Variants in NECAB2 observed in about 807,000 individuals in gnomAD.
The protein encoded by NECAB2 is N-terminal EF-hand calcium-binding protein 2.
A neutral mutation model predicts 51.9 loss-of-function variants in NECAB2; 68 were observed. The ratio of observed to expected loss-of-function variants is 1.31; its 90% CI spans 1.08 to 1.60. NECAB2 has a LOEUF of 1.60. Ranked by LOEUF, NECAB2 falls within the 40% of genes most tolerant of loss-of-function variation. The pLI is 0.00. For synonymous variants in NECAB2, 329 were observed against 203.5 expected, an observed-to-expected ratio of 1.62 and a Z score of -5.25; for missense variants, 854 against 490.3, an observed-to-expected ratio of 1.74 and a Z score of -7.00.
intron 6 of NECAB2, among the ~76,000 whole-genome samples, chr16:83,992,895 C>G (rs1011055212): frequency 3.9e-5 from 6 of 152,158 alleles, no homozygotes; most frequent in African/African-American, 1.4e-4. Flanking sequence ...CTGTTACTAT[C>G]TTGATGAAAA....
chr16:83,968,875 C>A (rs1381544869), intron 1 of NECAB2, 26 bp downstream of exon 1: 2 of 1,106,738 alleles, frequency 1.8e-6, no homozygotes, highest in Admixed American at 5.1e-5. Flanking sequence ...CCGGGACCCC[C>A]GCCGTGGCCT....
At position 83,981,089 on chromosome 16, in the gene NECAB2, A is replaced by C. The variant is rs2084482715; in HGVS notation, c.421A>C (p.Asn141His). ...TGTCCTGGCCTCCCTGGAGACCTTGAATCACTCTGTCCTGAAGGCCATGGG... is the reference window on the plus strand; with the variant it reads ...TGTCCTGGCCTCCCTGGAGACCTTGCATCACTCTGTCCTGAAGGCCATGGG... ...EDVLASLETLNHSVLKAMGYT... is the reference protein window; with the variant it reads ...EDVLASLETLHHSVLKAMGYT... Residue 141 changes from asparagine (N) to histidine (H), a missense_variant, in exon 5 of 13, where the codon AAT (asparagine) becomes CAT (histidine). Asn to His is a moderately conservative substitution (Grantham distance 68). Coordinates refer to ENST00000305202, the MANE Select transcript of NECAB2 (RefSeq NM_019065.3). 6.2e-7 allele frequency: 1 copy of C among 1,614,026 alleles called. No homozygotes were observed. Among genetic ancestry groups the C allele is most frequent in the Non-Finnish European group, 8.5e-7 (1 of 1,180,026 alleles).
At chr16:83,971,288 A>G (rs2084344289) in intron 1 of NECAB2, among the ~76,000 whole-genome samples, 1 of 152,178 alleles carries the variant, frequency 6.6e-6, no homozygotes, top group Non-Finnish European at 1.5e-5. Flanking sequence ...GGCTTTAAAA[A>G]TGCTGAAATC....
intron 2 of NECAB2, among the ~76,000 whole-genome samples, chr16:83,972,564 A>C (rs538744939): frequency 2.0e-5 from 3 of 152,320 alleles, no homozygotes; most frequent in African/African-American, 7.2e-5. Flanking sequence ...TAGGCCCTTC[A>C]CAAGCCTTGG....
chr16:84,001,055 C>T (rs556025980), intron 11 of NECAB2, among the ~76,000 whole-genome samples: 3 of 152,116 alleles, frequency 2.0e-5, no homozygotes, highest in Admixed American at 6.5e-5. Context: ...GCCCCTAGAG[C>T]ACCTTGTCCT....
At chr16:83,998,372 G>C (rs899655911) in intron 10 of NECAB2, 55 bp downstream of exon 10, 4 of 1,540,968 alleles carry the variant, frequency 2.6e-6, no homozygotes, top group African/African-American at 1.4e-5. Context: ...CTGCCTGGCA[G>C]TGGAGGAACA....
rs191592686 is a variant in NECAB2 at position 83,994,523 on chromosome 16, C to G, written c.716-86C>G. The G allele has an allele frequency of 1.7e-5, 27 of 1,598,114 alleles. No homozygotes were observed. The Admixed American group carries it at 4.5e-4, about 27-fold the overall frequency. Reference sequence around the variant, plus strand: ...GGGGAGATGAGCAAGTTTGATGCCCCTGGAGGGGCTGGATGTTTCCAGCTT... The same window carrying G: ...GGGGAGATGAGCAAGTTTGATGCCCGTGGAGGGGCTGGATGTTTCCAGCTT... On this transcript the variant is annotated intron_variant, in intron 7 of 12. Transcript: ENST00000305202.
chr16:83,997,662 G>T (rs185128781), intron 9 of NECAB2, among the ~76,000 whole-genome samples: 1,994 of 151,150 alleles, frequency 0.013, 16 homozygotes, highest in African/African-American at 0.022. Context: ...TAATTTTTTT[G>T]GTATTTTTAG....
At chr16:83,965,747 G>A, upstream of NECAB2, 1 of 1,613,524 alleles carries the variant, frequency 6.2e-7, no homozygotes, top group Non-Finnish European at 8.5e-7. Flanking sequence ...GGTCTCCCTG[G>A]TGCTGGTCCT....
intron 6 of NECAB2, among the ~76,000 whole-genome samples, chr16:83,991,805 C>G (rs1025090632): frequency 1.3e-5 from 2 of 150,820 alleles, no homozygotes; most frequent in African/African-American, 2.5e-5. Context: ...TAGTCCCACC[C>G]ACACCCAGCT....
intron 7 of NECAB2, 66 bp from the exon 8 acceptor site, chr16:83,994,543 C>T (rs751590658): frequency 4.7e-5 from 76 of 1,605,846 alleles, no homozygotes; most frequent in Non-Finnish European, 5.9e-5. Flanking sequence ...TGGATGTTTC[C>T]AGCTTCCCCC....
At chr16:83,994,484 C>G (rs2084669332) in intron 7 of NECAB2, 64 bp downstream of exon 7, 2 of 1,596,870 alleles carry the variant, frequency 1.3e-6, no homozygotes, top group African/African-American at 1.3e-5. Flanking sequence ...TCTGAGAGTC[C>G]TCTGACAGGG....
intron 3 of NECAB2, among the ~76,000 whole-genome samples, chr16:83,979,398 A>C (rs1038146914): frequency 6.6e-6 from 1 of 152,196 alleles, no homozygotes; most frequent in Non-Finnish European, 1.5e-5. Flanking sequence ...CAAGGGGTAG[A>C]GTACAGTGGT....
intron 5 of NECAB2, among the ~76,000 whole-genome samples, chr16:83,982,878 T>G (rs6563987): frequency 0.28 from 41,921 of 151,478 alleles, 9,866 homozygotes; most frequent in African/African-American, 0.65. Flanking sequence ...TTTTTCTTTT[T>G]CTTTTTTTTT....
intron 6 of NECAB2, among the ~76,000 whole-genome samples, chr16:83,991,951 C>A (rs2084631260): frequency 2.0e-5 from 3 of 152,078 alleles, no homozygotes; most frequent in Admixed American, 2.0e-4. Flanking sequence ...CACCACACCC[C>A]AGCCCACTTT....
rs1338515752 is a variant in NECAB2, at chr16:83,968,441, G to A, written c.-208G>A. Among the ~76,000 whole-genome samples, 1 of 147,096 alleles carries A rather than the reference G, an allele frequency of 6.8e-6. No individual in the cohort carries two copies. The highest frequency in any genetic ancestry group is 1.5e-5 in the Non-Finnish European group (1 of 66,254). ...CAGGCCCCGCGCCCGGCCGGCGGGG[G>A]TGGGGGCGGCGGGGAGCGGGCACGT... On this transcript the variant is annotated 5_prime_UTR_variant, in exon 1 of 13. It adds an upstream start codon to the 5' untranslated region. Coordinates refer to ENST00000305202, the MANE Select transcript of NECAB2 (RefSeq NM_019065.3).
At chr16:83,981,511 C>T (rs1168880976) in intron 5 of NECAB2, among the ~76,000 whole-genome samples, 1 of 152,074 alleles carries the variant, frequency 6.6e-6, no homozygotes, top group African/African-American at 2.4e-5. Flanking sequence ...TGCATCTGAA[C>T]CCTGTCCCAT....
chr16:83,983,787 T>G (rs904097371), intron 5 of NECAB2, among the ~76,000 whole-genome samples: 2 of 152,156 alleles, frequency 1.3e-5, no homozygotes, highest in African/African-American at 4.8e-5. Flanking sequence ...GGGAATGATT[T>G]TGTGAAGTGG....
chr16:83,973,164 C>A (rs889632), intron 2 of NECAB2, among the ~76,000 whole-genome samples: 3 of 152,260 alleles, frequency 2.0e-5, no homozygotes, highest in East Asian at 3.9e-4. Context: ...GGGAAGAGCA[C>A]GCAACAGAGA....
Sources: gnomAD v4.1 joint callset for allele counts (sites outside exome capture counted in the v4.1 genomes callset) on GRCh38, gnomAD v4.1.1 for gene constraint, MANE v1.5 for transcripts, NCBI Gene and HGNC (gene_info 2026-07-23, HGNC 2026-07-21) for gene names.